Variants in ADGRL3 observed in about 807,000 individuals in gnomAD.
ADGRL3 encodes the protein adhesion G protein-coupled receptor L3, also known as calcium-independent alpha-latrotoxin receptor 3.
ADGRL3 carries 62 observed loss-of-function variants against 153.5 expected under a neutral mutation model. That is an observed-to-expected ratio of 0.40 (90% confidence interval 0.33 to 0.50). The LOEUF is 0.50. Among genes scored for constraint, ADGRL3 ranks in the 20% least tolerant of loss-of-function variants. The pLI, the probability that ADGRL3 is intolerant of heterozygous loss-of-function variation, is 0.47. For synonymous variants in ADGRL3, 710 were observed against 672.5 expected, an observed-to-expected ratio of 1.06 and a Z score of -0.86; for missense variants, 1,641 against 1,859.4, an observed-to-expected ratio of 0.88 and a Z score of 2.16.
chr4:61,374,723 T>C (rs186336029), intron 1 of ADGRL3, among the ~76,000 whole-genome samples: 1 of 152,296 alleles, frequency 6.6e-6, no homozygotes, highest in Admixed American at 6.5e-5. Context: ...AGATTTTTTT[T>C]TCACTTGTGC....
intron 13 of ADGRL3, among the ~76,000 whole-genome samples, chr4:61,916,356 G>A (rs1317423883): frequency 1.3e-5 from 2 of 152,036 alleles, no homozygotes; most frequent in East Asian, 3.9e-4. Flanking sequence ...CCATATCTTA[G>A]ACACAATGAC....
chr4:61,408,981 A>G (rs1300135991), intron 2 of ADGRL3, among the ~76,000 whole-genome samples: 1 of 151,638 alleles, frequency 6.6e-6, no homozygotes, highest in African/African-American at 2.4e-5. Context: ...CTCTGCATTA[A>G]TTTTGTATTC....
chr4:61,845,076 T>C (rs1032844866), intron 9 of ADGRL3, among the ~76,000 whole-genome samples: 5 of 152,320 alleles, frequency 3.3e-5, no homozygotes, highest in Middle Eastern at 3.4e-3. Context: ...TAGAATCTTA[T>C]GTGGCTAGGT....
intron 4 of ADGRL3, among the ~76,000 whole-genome samples, chr4:61,533,868 G>T (rs1333468001): frequency 6.6e-6 from 1 of 152,062 alleles, no homozygotes; most frequent in Non-Finnish European, 1.5e-5. Context: ...GTGAAAAAGT[G>T]CTATATACTA....
intron 1 of ADGRL3, among the ~76,000 whole-genome samples, chr4:61,353,257 A>G (rs1002944092): frequency 6.6e-6 from 1 of 152,178 alleles, no homozygotes; most frequent in Non-Finnish European, 1.5e-5. Context: ...TCGCATATAT[A>G]TGCTATATAT....
chr4:61,528,205 A>T (rs1219755878), intron 4 of ADGRL3, among the ~76,000 whole-genome samples: 4 of 152,156 alleles, frequency 2.6e-5, no homozygotes, highest in Non-Finnish European at 5.9e-5. Flanking sequence ...GTTAATTCAC[A>T]TCAATTACTT....
intron 17 of ADGRL3, among the ~76,000 whole-genome samples, chr4:61,960,694 A>G (rs1010987298): frequency 2.7e-5 from 4 of 150,108 alleles, no homozygotes; most frequent in Admixed American, 1.3e-4. Context: ...CATATGGATT[A>G]GTGTTTTTTG....
chr4:61,432,581 T>C (rs1351533956), intron 2 of ADGRL3, among the ~76,000 whole-genome samples: 1 of 1,226 alleles, frequency 8.2e-4, no homozygotes, highest in East Asian at 0.056. Context: ...TTCCTTTCTT[T>C]CTTTCTTTCT....
chr4:61,585,130 G>A (rs549688998), intron 4 of ADGRL3, among the ~76,000 whole-genome samples: 1 of 151,720 alleles, frequency 6.6e-6, no homozygotes, highest in Non-Finnish European at 1.5e-5. Flanking sequence ...TTCTTCTATG[G>A]GTGTGTGTGT....
At chr4:61,762,069 T>C (rs1327616974) in intron 8 of ADGRL3, among the ~76,000 whole-genome samples, 1 of 152,228 alleles carries the variant, frequency 6.6e-6, no homozygotes, top group Non-Finnish European at 1.5e-5. Flanking sequence ...GTGAACATTT[T>C]CAGAGAAGAA....
intron 1 of ADGRL3, among the ~76,000 whole-genome samples, chr4:61,347,536 A>T (rs1484846762): frequency 1.3e-5 from 2 of 152,158 alleles, no homozygotes; most frequent in East Asian, 3.9e-4. Context: ...AATGCAATGT[A>T]TGCCTACGTT....
At chr4:61,441,187 C>T (rs1012866302) in intron 2 of ADGRL3, among the ~76,000 whole-genome samples, 1 of 152,088 alleles carries the variant, frequency 6.6e-6, no homozygotes, top group Non-Finnish European at 1.5e-5. Context: ...AAAGCCTGAC[C>T]AGTTCCTCTG....
intron 2 of ADGRL3, among the ~76,000 whole-genome samples, chr4:61,454,052 A>C (rs769921798): frequency 1.6e-4 from 25 of 152,220 alleles, no homozygotes; most frequent in Admixed American, 5.2e-4. Flanking sequence ...CAGTATTTCA[A>C]AATCGATTTG....
intron 9 of ADGRL3, among the ~76,000 whole-genome samples, chr4:61,815,562 A>G (rs892210886): frequency 9.9e-5 from 15 of 152,240 alleles, no homozygotes; most frequent in African/African-American, 3.6e-4. Context: ...ATACAGGGAA[A>G]GGGGCAGAAA....
intron 5 of ADGRL3, among the ~76,000 whole-genome samples, chr4:61,618,698 T>C (rs2092262134): frequency 6.6e-6 from 1 of 152,192 alleles, no homozygotes; most frequent in African/African-American, 2.4e-5. Flanking sequence ...TTTTCAAGCC[T>C]ATGATTTTTC....
intron 9 of ADGRL3, among the ~76,000 whole-genome samples, chr4:61,886,202 C>T (rs2098537755): frequency 1.3e-5 from 2 of 152,102 alleles, no homozygotes; most frequent in African/African-American, 4.8e-5. Context: ...AATATGAATG[C>T]TTCTTTTTAA....
At chr4:61,608,844 C>T (rs2099042837) in intron 5 of ADGRL3, among the ~76,000 whole-genome samples, 1 of 152,146 alleles carries the variant, frequency 6.6e-6, no homozygotes, top group Non-Finnish European at 1.5e-5. Context: ...TAGTGACATT[C>T]AGTCATCTCA....
chr4:61,412,236 T>C (rs2097096101), intron 2 of ADGRL3, among the ~76,000 whole-genome samples: 1 of 152,122 alleles, frequency 6.6e-6, no homozygotes, highest in Non-Finnish European at 1.5e-5. Flanking sequence ...CATGTATCAC[T>C]GTGCCCAACT....
intron 21 of ADGRL3, among the ~76,000 whole-genome samples, chr4:61,999,365 T>A: frequency 6.6e-6 from 1 of 152,180 alleles, no homozygotes; most frequent in Non-Finnish European, 1.5e-5. Flanking sequence ...CTAATTTACA[T>A]TTTCTGAAAA....
Sources: gnomAD v4.1 joint callset for allele counts (sites outside exome capture counted in the v4.1 genomes callset) on GRCh38, gnomAD v4.1.1 for gene constraint, MANE v1.5 for transcripts, NCBI Gene and HGNC (gene_info 2026-07-23, HGNC 2026-07-21) for gene names.